CDH12: variants seen among roughly 807,000 people sequenced by gnomAD.
The protein encoded by CDH12 is cadherin-12.
A neutral mutation model predicts 74.1 loss-of-function variants in CDH12; 41 were observed. The observed-to-expected ratio is 0.55, with a 90% CI of 0.43 to 0.72. The LOEUF is 0.72. CDH12 is among the 30% of genes least tolerant of loss of function. The probability of loss-of-function intolerance (pLI) is 0.00; values close to 1 mark genes in which losing one functional copy is unlikely to be tolerated. For synonymous variants in CDH12, 399 were observed against 355.0 expected (o/e 1.12, Z -1.39); for missense variants, 945 against 977.2 (o/e 0.97, Z 0.44).
At chr5:21,780,362 G>A (rs1206459841) in intron 11 of CDH12, among the ~76,000 whole-genome samples, 1 of 152,146 alleles carries the variant, frequency 6.6e-6, no homozygotes, top group African/African-American at 2.4e-5. Flanking sequence ...TGAAGCTCAA[G>A]GCTCTGAAAG....
chr5:21,883,618 G>A (rs1752476485), intron 6 of CDH12: 1 of 1,609,746 alleles, frequency 6.2e-7, no homozygotes, highest in Admixed American at 1.7e-5. Context: ...CATGACTTAG[G>A]AAAAGTTGGA....
intron 1 of CDH12, among the ~76,000 whole-genome samples, chr5:22,725,592 C>CTT (rs745349197): frequency 1.2e-3 from 184 of 150,584 alleles, no homozygotes; most frequent in Middle Eastern, 6.8e-3. Context: ...TCCTTCAAGC[C>CTT]ATTTTTTTTT....
intron 1 of CDH12, among the ~76,000 whole-genome samples, chr5:22,587,684 C>T (rs754083106): frequency 6.6e-6 from 1 of 152,082 alleles, no homozygotes; most frequent in South Asian, 2.1e-4. Context: ...TAACAACTAA[C>T]AACTGTCCCT....
At chr5:22,794,510 C>CTA (rs1748088126) in intron 1 of CDH12, among the ~76,000 whole-genome samples, 1 of 152,186 alleles carries the variant, frequency 6.6e-6, no homozygotes, top group Non-Finnish European at 1.5e-5. Flanking sequence ...ATCTGCTTAC[C>CTA]TATGACATGA....
rs1374347367 is a variant in CDH12 at position 21,751,766 on chromosome 5, C to T, written c.2356G>A (p.Glu786Lys). 6.2e-7 allele frequency: 1 copy of T among 1,613,908 alleles called. No individual in the cohort carries two copies. Among genetic ancestry groups the T allele is most frequent in the Non-Finnish European group, 8.5e-7 (1 of 1,179,926 alleles). Residue 786 changes from glutamate (E) to lysine (K), a missense_variant, in exon 15 of 15, where the codon GAG becomes AAG. By Grantham distance (56) the Glu-to-Lys change is moderately conservative. Transcript: ENST00000382254. ...GTGACTTTATCAGGGTTATAACTCT[C>T]TTCTTCGCCAAACATGTCTGCCAAG... is the stretch of plus-strand genomic sequence containing the variant. ...KVLADMFGEE[E>K]SYNPDKVT is the part of the protein sequence containing the mutation.
intron 1 of CDH12, among the ~76,000 whole-genome samples, chr5:22,715,467 T>C (rs1271292753): frequency 2.6e-5 from 4 of 152,232 alleles, no homozygotes; most frequent in East Asian, 1.9e-4. Context: ...AATACTGTGA[T>C]TGATGTTTGA....
chr5:22,737,405 T>G (rs1744785689), intron 1 of CDH12, among the ~76,000 whole-genome samples: 1 of 152,012 alleles, frequency 6.6e-6, no homozygotes, highest in Non-Finnish European at 1.5e-5. Context: ...ATAATATATT[T>G]AGTTTCATTT....
In CDH12 at chr5:22,225,555, T is replaced by C. The variant is rs140219214; in HGVS notation, c.-332-12912A>G. On this transcript the variant is annotated intron_variant, in intron 3 of 14. Transcript: ENST00000382254. Reference sequence around the variant, plus strand: ...CTACTGTTTTTCAGAGAAACGTTTATTGATGAAACATTTTTGTAGATAAAT... The same window carrying C: ...CTACTGTTTTTCAGAGAAACGTTTACTGATGAAACATTTTTGTAGATAAAT... Among the ~76,000 whole-genome samples the C allele has an allele frequency of 2.7e-3, 414 of 152,266 alleles. 3 individuals are homozygous for C. Among genetic ancestry groups the C allele is most frequent in the Non-Finnish European group, 4.0e-3 (271 of 68,010 alleles).
At chr5:22,030,237 A>T (rs1158683683) in intron 5 of CDH12, among the ~76,000 whole-genome samples, 1 of 152,128 alleles carries the variant, frequency 6.6e-6, no homozygotes, top group Non-Finnish European at 1.5e-5. Context: ...CACATTGTAC[A>T]CATGTACCCC....
intron 2 of CDH12, among the ~76,000 whole-genome samples, chr5:22,446,147 T>TC (rs2126551587): frequency 6.6e-6 from 1 of 152,214 alleles, no homozygotes; most frequent in African/African-American, 2.4e-5. Context: ...TTTGGATTAC[T>TC]TAAGTTTAAC....
intron 2 of CDH12, among the ~76,000 whole-genome samples, chr5:22,436,270 G>A (rs1198681072): frequency 1.9e-5 from 2 of 103,246 alleles, no homozygotes; most frequent in Non-Finnish European, 3.8e-5. Flanking sequence ...GGCCTGTTGT[G>A]GGGTAGGGGG....
chr5:22,470,403 T>C (rs1440855855), intron 2 of CDH12, among the ~76,000 whole-genome samples: 1 of 130,934 alleles, frequency 7.6e-6, no homozygotes, highest in East Asian at 2.3e-4. Flanking sequence ...TTATTTTTAT[T>C]TTATTTTATT....
rs140337285 is a variant in CDH12, at chr5:22,338,077, CA to C, written c.-333+67179del. Among the ~76,000 whole-genome samples, 1,341 of 152,154 alleles carry C rather than the reference CA, an allele frequency of 8.8e-3. 23 individuals are homozygous for C. Among genetic ancestry groups the C allele is most frequent in the African/African-American group, 0.029 (1,215 of 41,534 alleles). ...GAAATCCCACTGCTGGGTATATATC[CA>C]AAAGACAGAAAATTAGTAACTCAAA... is the stretch of plus-strand genomic sequence containing the variant. On this transcript the variant is annotated intron_variant, in intron 3 of 14. Coordinates refer to ENST00000382254, the MANE Select transcript of CDH12 (RefSeq NM_004061.5).
intron 4 of CDH12, among the ~76,000 whole-genome samples, chr5:22,172,110 C>T (rs1433072599): frequency 4.0e-5 from 6 of 151,804 alleles, no homozygotes; most frequent in Admixed American, 3.9e-4. Flanking sequence ...GAAGTTATAG[C>T]ATCTGGGAAA....
intron 4 of CDH12, among the ~76,000 whole-genome samples, chr5:22,150,406 C>A (rs1381240485): frequency 1.3e-5 from 2 of 151,788 alleles, no homozygotes; most frequent in Non-Finnish European, 2.9e-5. Flanking sequence ...GGTTTTGCAG[C>A]CTACTATTCA....
chr5:22,055,759 AAT>A (rs1266418788), intron 5 of CDH12, among the ~76,000 whole-genome samples: 2 of 152,084 alleles, frequency 1.3e-5, no homozygotes, highest in African/African-American at 4.8e-5. Context: ...TTAAAATATG[AAT>A]ATGACTACAC....
intron 1 of CDH12, among the ~76,000 whole-genome samples, chr5:22,540,113 G>A (rs1391330965): frequency 6.6e-6 from 1 of 151,976 alleles, no homozygotes; most frequent in Non-Finnish European, 1.5e-5. Flanking sequence ...CAGAAGAAAT[G>A]TTTATCTTTT....
At chr5:22,467,919 G>A (rs577728610) in intron 2 of CDH12, among the ~76,000 whole-genome samples, 34 of 152,192 alleles carry the variant, frequency 2.2e-4, no homozygotes, top group Admixed American at 5.2e-4. Context: ...CATCTGTAAT[G>A]ATTCATAAGA....
chr5:22,780,046 A>G (rs1266122344), intron 1 of CDH12, among the ~76,000 whole-genome samples: 2 of 152,158 alleles, frequency 1.3e-5, no homozygotes, highest in African/African-American at 4.8e-5. Flanking sequence ...TTTGGTTTTT[A>G]AAATAAGCAA....
Sources: allele counts gnomAD v4.1 joint callset (sites outside exome capture counted in the v4.1 genomes callset), GRCh38; gene constraint gnomAD v4.1.1; transcripts MANE v1.5; gene names NCBI Gene and HGNC (gene_info 2026-07-23, HGNC 2026-07-21).